Variants in HMCN1 observed in about 807,000 individuals in gnomAD.
The protein encoded by HMCN1 is hemicentin-1.
In HMCN1, 321 loss-of-function variants were observed where a neutral mutation model predicts 625.9. The observed-to-expected ratio is 0.51, with a 90% CI of 0.47 to 0.56. The LOEUF (loss-of-function observed/expected upper bound fraction) is 0.56. HMCN1 is among the 20% of genes least tolerant of loss of function. The pLI is 0.00. For missense variants in HMCN1, 6,588 were observed against 6,887.3 expected (o/e 0.96, Z 1.54); for synonymous variants, 2,425 against 2,417.6 (o/e 1.00, Z -0.09).
Position 186,028,925 on chromosome 1 carries a change from C to T in HMCN1, c.5749+5772C>T, listed in dbSNP as rs1655236654. ...TCTTTTTAGTAGAGACGGGGTTTCA[C>T]TATGTTGCCCAGGCTGATCTCGAAC... On this transcript the variant is annotated intron_variant, in intron 36 of 106. Transcript: ENST00000271588. Among the ~76,000 whole-genome samples, 4 of 151,820 alleles carry T rather than the reference C, an allele frequency of 2.6e-5. No homozygotes were observed. The South Asian group carries it at 8.3e-4, about 32-fold the overall frequency.
intron 104 of HMCN1, among the ~76,000 whole-genome samples, chr1:186,179,144 T>G (rs1343460768): frequency 6.6e-6 from 1 of 152,188 alleles, no homozygotes; most frequent in African/African-American, 2.4e-5. Context: ...ATCGGATTGA[T>G]GGAAAAGCAG....
intron 22 of HMCN1, among the ~76,000 whole-genome samples, chr1:185,991,740 A>G (rs1267055978): frequency 4.6e-5 from 7 of 151,726 alleles, no homozygotes; most frequent in Non-Finnish European, 1.0e-4. Flanking sequence ...TTTTCAGTGA[A>G]TAGCTTTGTA....
chr1:186,096,084 C>T (rs2891228), intron 68 of HMCN1, among the ~76,000 whole-genome samples: 95,464 of 152,016 alleles, frequency 0.63, 31,727 homozygotes, highest in African/African-American at 0.86. Flanking sequence ...GATAATGAAA[C>T]GAAGTATTTC....
At chr1:186,008,982 A>G (rs1183463732) in intron 30 of HMCN1, among the ~76,000 whole-genome samples, 1 of 152,182 alleles carries the variant, frequency 6.6e-6, no homozygotes, top group Non-Finnish European at 1.5e-5. Context: ...TCTATAAATA[A>G]AAGCCTTTGG....
Position 186,103,159 on chromosome 1 carries a change from C to A in HMCN1, c.10574-313C>A, listed in dbSNP as rs112984857. ...CTAAAAAAAAAAGTGGTACAAGCTG[C>A]GTTTGGTTTTTATTGTTTTCAAATC... On this transcript the variant is annotated intron_variant, in intron 68 of 106. Transcript: ENST00000271588. Among the ~76,000 whole-genome samples, 1,141 of 151,984 alleles carry A rather than the reference C, an allele frequency of 7.5e-3. 17 individuals carry two copies. The highest frequency in any genetic ancestry group is 0.027 in the African/African-American group (1,103 of 41,500).
chr1:186,078,839 G>A (rs1209298605), intron 55 of HMCN1, among the ~76,000 whole-genome samples: 3 of 152,200 alleles, frequency 2.0e-5, no homozygotes, highest in African/African-American at 7.2e-5. Context: ...CCATCTGAAT[G>A]CATGAACAGA....
rs1275271497 is a variant in HMCN1, at chr1:186,144,785, C to G, written c.14266+82C>G. The G allele has an allele frequency of 1.2e-5, 18 of 1,524,694 alleles. No individual in the cohort carries two copies. In the South Asian group the frequency reaches 2.0e-4, roughly 17 times the overall value. The allele number at this position is 1,524,694 out of a possible 1,614,324, so 94.4% of individuals were successfully genotyped here. Reference sequence around the variant, plus strand: ...GTAATTCCTTAAAGTTGCAATATTCCGTTATTTGGTTCTTCAACCTTTGGT... The same window carrying G: ...GTAATTCCTTAAAGTTGCAATATTCGGTTATTTGGTTCTTCAACCTTTGGT... On this transcript the variant is annotated intron_variant, in intron 91 of 106. Transcript: ENST00000271588.
chr1:185,872,507 T>C (rs1663681673), intron 4 of HMCN1, among the ~76,000 whole-genome samples: 1 of 152,106 alleles, frequency 6.6e-6, no homozygotes, highest in Non-Finnish European at 1.5e-5. Context: ...CATAATGACA[T>C]TTAAAGAGTA....
At chr1:185,781,663 T>A (rs1657119841) in intron 1 of HMCN1, among the ~76,000 whole-genome samples, 1 of 152,202 alleles carries the variant, frequency 6.6e-6, no homozygotes, top group Non-Finnish European at 1.5e-5. Flanking sequence ...CCATTTTGAG[T>A]GAGTTTCTTA....
chr1:185,915,428 A>C (rs927303700), intron 6 of HMCN1, among the ~76,000 whole-genome samples: 4 of 152,012 alleles, frequency 2.6e-5, no homozygotes, highest in African/African-American at 9.7e-5. Context: ...AAAGACATTA[A>C]ATAATTGTCA....
intron 6 of HMCN1, among the ~76,000 whole-genome samples, chr1:185,916,710 A>G (rs997606353): frequency 6.6e-6 from 1 of 152,208 alleles, no homozygotes; most frequent in Non-Finnish European, 1.5e-5. Flanking sequence ...AATTCAATTT[A>G]TAAAAGGTAA....
At chr1:186,008,384 A>G (rs377305236) in intron 30 of HMCN1, among the ~76,000 whole-genome samples, 3 of 152,166 alleles carry the variant, frequency 2.0e-5, no homozygotes, top group Non-Finnish European at 4.4e-5. Flanking sequence ...AATGTAATAT[A>G]TCTAATAATA....
intron 1 of HMCN1, among the ~76,000 whole-genome samples, chr1:185,842,666 G>A (rs1310556660): frequency 6.6e-6 from 1 of 152,060 alleles, no homozygotes. Context: ...GGGAGGTCAA[G>A]GCCGCAGTAA....
intron 12 of HMCN1, among the ~76,000 whole-genome samples, chr1:185,963,157 A>G (rs1180907630): frequency 1.3e-5 from 2 of 152,124 alleles, no homozygotes; most frequent in Non-Finnish European, 2.9e-5. Flanking sequence ...AAAGCATTGA[A>G]TCCACTCATG....
intron 46 of HMCN1, among the ~76,000 whole-genome samples, chr1:186,060,091 T>TG (rs1657591121): frequency 6.6e-6 from 1 of 152,134 alleles, no homozygotes; most frequent in South Asian, 2.1e-4. Context: ...TAAATTCAAT[T>TG]GGGAAAAAAA....
intron 1 of HMCN1, among the ~76,000 whole-genome samples, chr1:185,802,276 G>C (rs6690475): frequency 0.091 from 13,852 of 152,150 alleles, 2,038 homozygotes; most frequent in African/African-American, 0.31. Context: ...TTGAAGGGTA[G>C]AGGTGAAATG....
At chr1:186,174,409 G>C in intron 102 of HMCN1, 105 bp from the exon 103 acceptor site, 1 of 1,342,142 alleles carries the variant, frequency 7.5e-7, no homozygotes, top group East Asian at 2.3e-5. Context: ...CAACCACTTG[G>C]TGAGAAATGC....
rs184390739 is a variant in HMCN1 at position 186,011,778 on chromosome 1, A to G, written c.4631-3381A>G. Among the ~76,000 whole-genome samples, 27 of 152,310 alleles carry G rather than the reference A, an allele frequency of 1.8e-4. No homozygotes were observed. In the East Asian group the frequency reaches 5.0e-3, roughly 28 times the overall value. On this transcript the variant is annotated intron_variant, in intron 30 of 106. Transcript: ENST00000271588. ...TGACTAAAACAACACAATGACTACC[A>G]TGGTATATAGTTTGCATACATGTAC...
chr1:186,069,548 A>G, intron 50 of HMCN1, 115 bp from the exon 51 acceptor site: 1 of 726,730 alleles, frequency 1.4e-6, no homozygotes, highest in Non-Finnish European at 2.5e-6. Context: ...CCATCACAGA[A>G]TTGTCATATG....
Sources: allele counts gnomAD v4.1 joint callset (sites outside exome capture counted in the v4.1 genomes callset), GRCh38; gene constraint gnomAD v4.1.1; transcripts MANE v1.5; gene names NCBI Gene and HGNC (gene_info 2026-07-23, HGNC 2026-07-21).